The following TRIP4 variants were observed in gnomAD, a reference collection of about 807,000 sequenced individuals.
TRIP4 encodes thyroid hormone receptor interactor 4.
TRIP4 carries 54 observed loss-of-function variants against 81.8 expected under a neutral mutation model. The ratio of observed to expected loss-of-function variants is 0.66; its 90% confidence interval spans 0.53 to 0.83. TRIP4 has a LOEUF of 0.83. TRIP4 is among the 40% of genes least tolerant of loss of function. TRIP4 has a pLI of 0.00. For missense variants in TRIP4, 662 were observed against 683.6 expected (o/e 0.97, Z 0.35); for synonymous variants, 270 against 242.8 (o/e 1.11, Z -1.04).
chr15:64,396,844 G>C (rs987358103), intron 3 of TRIP4, among the ~76,000 whole-genome samples: 9 of 152,190 alleles, frequency 5.9e-5, no homozygotes, highest in Non-Finnish European at 1.3e-4. Flanking sequence ...CAGTTGATAT[G>C]AGTTTGCAGT....
chr15:64,433,847 C>T (rs1458715549), intron 11 of TRIP4, among the ~76,000 whole-genome samples: 1 of 152,054 alleles, frequency 6.6e-6, no homozygotes, highest in Non-Finnish European at 1.5e-5. Context: ...GCATGTGGTC[C>T]AGGACGGCTT....
At chr15:64,389,373 C>T (rs1001195234) in intron 1 of TRIP4, among the ~76,000 whole-genome samples, 2 of 152,022 alleles carry the variant, frequency 1.3e-5, no homozygotes, top group South Asian at 2.1e-4. Context: ...GGCTCAAGCC[C>T]TTATTCCCAG....
intron 11 of TRIP4, 108 bp downstream of exon 11, chr15:64,425,739 T>C: frequency 1.3e-6 from 1 of 773,870 alleles, no homozygotes; most frequent in Non-Finnish European, 2.0e-6. Flanking sequence ...GCTGGGATTA[T>C]AGGCATGAGC....
At chr15:64,434,386 T>G (rs1892342648) in intron 11 of TRIP4, among the ~76,000 whole-genome samples, 2 of 128,922 alleles carry the variant, frequency 1.6e-5, no homozygotes, top group Non-Finnish European at 3.2e-5. Flanking sequence ...GCAACAAGAG[T>G]GAAACTCCGT....
chr15:64,418,557 G>A lies in TRIP4; in HGVS notation c.1187G>A (p.Gly396Asp). 1 of 1,612,558 alleles carries A rather than the reference G, an allele frequency of 6.2e-7. No individual in the cohort carries two copies. The highest frequency in any genetic ancestry group is 8.5e-7 in the Non-Finnish European group (1 of 1,179,930). ...TCTGTGTAGTGGGTTGACCACACAG[G>A]TGCAGCCTCACAGAAGAAGGCTTTC... ...QSPPQWVDHT[G>D]AASQKKAFRS... is the part of the protein sequence containing the mutation. Residue 396 changes from glycine to aspartate, a missense_variant, in exon 9 of 13, where the codon GGT becomes GAT. By Grantham distance (94) the Gly-to-Asp change is moderately conservative (BLOSUM62 -1). Coordinates refer to ENST00000261884, the MANE Select transcript of TRIP4 (RefSeq NM_016213.5).
chr15:64,425,412 T>C, intron 10 of TRIP4, 128 bp from the exon 11 acceptor site: 1 of 841,812 alleles, frequency 1.2e-6, no homozygotes, highest in Non-Finnish European at 1.8e-6. Context: ...ATTTCACTGT[T>C]TTCCTTATGT....
At chr15:64,450,794 C>G (rs1420141279) in intron 12 of TRIP4, 10 of 455,336 alleles carry the variant, frequency 2.2e-5, no homozygotes, top group South Asian at 4.7e-5. Flanking sequence ...ATTAGTCTGC[C>G]TACAATTGAG....
intron 12 of TRIP4, 70 bp downstream of exon 12, chr15:64,445,178 AAGG>A (rs1377258610): frequency 1.2e-6 from 1 of 803,324 alleles, no homozygotes; most frequent in Non-Finnish European, 2.1e-6. Context: ...AAAGTAGAAC[AAGG>A]AGTTCAATCT....
intron 5 of TRIP4, among the ~76,000 whole-genome samples, chr15:64,405,986 T>C (rs1453756216): frequency 6.6e-6 from 1 of 152,260 alleles, no homozygotes. Flanking sequence ...CATTAGATCC[T>C]GTCTTGAAAA....
In TRIP4 at chr15:64,387,936, G is replaced by C. The variant is rs1297849209; in HGVS notation, c.73G>C (p.Gly25Arg). ...WCTQQLRKTFGLDVSEEIIQY... is the reference protein window; with the variant it reads ...WCTQQLRKTFRLDVSEEIIQY... ...CACCCAGCAGTTGCGGAAGACTTTC[G>C]GCCTGGATGTCAGCGAGGAGATCAT... The change falls in exon 1 of 13, where the codon GGC becomes CGC. Residue 25 changes from glycine (G) to arginine (R), a missense_variant. Transcript: ENST00000261884. 1.9e-6 allele frequency: 3 copies of C among 1,551,126 alleles called. No homozygotes were observed. The South Asian group carries it at 3.6e-5, about 18-fold the overall frequency.
At chr15:64,435,893 GA>G (rs36118366) in intron 11 of TRIP4, among the ~76,000 whole-genome samples, 119 of 127,580 alleles carry the variant, frequency 9.3e-4, no homozygotes, top group African/African-American at 2.9e-3. Flanking sequence ...ATGGTAGATT[GA>G]AAAAAAAAAA....
At chr15:64,407,924 C>T (rs942448257) in intron 6 of TRIP4, among the ~76,000 whole-genome samples, 1 of 151,876 alleles carries the variant, frequency 6.6e-6, no homozygotes, top group African/African-American at 2.4e-5. Context: ...TAGCAAAACC[C>T]TGTCTGTACA....
chr15:64,420,341 A>T (rs7166134), intron 9 of TRIP4, among the ~76,000 whole-genome samples: 2,470 of 150,914 alleles, frequency 0.016, 60 homozygotes, highest in African/African-American at 0.057. Context: ...GGCTGGTCTC[A>T]AACTCCCGAA....
chr15:64,449,046 C>A (rs1892693962), intron 12 of TRIP4, among the ~76,000 whole-genome samples: 1 of 151,266 alleles, frequency 6.6e-6, no homozygotes, highest in Non-Finnish European at 1.5e-5. Flanking sequence ...CCTGTCTCTA[C>A]AAAAAAATAA....
In TRIP4 at chr15:64,395,398, A is replaced by G. The variant is rs1421141928; in HGVS notation, c.272A>G (p.Glu91Gly). The G allele has an allele frequency of 1.0e-5, 16 of 1,599,212 alleles. No homozygotes were observed. Among genetic ancestry groups the G allele is most frequent in the Non-Finnish European group, 1.4e-5 (16 of 1,175,830 alleles). ...TATTTTTTTTTTTCTATCTTTAAAG[A>G]AATTTTAGATGGGCAGAAATCAGGC... The part of the protein sequence containing the change: ...DPLQQCFKKD[E>G]ILDGQKSGDH... Residue 91 changes from glutamate (E) to glycine (G), a missense_variant and splice_region_variant, in exon 3 of 13, where the codon GAA becomes GGA. Transcript: ENST00000261884.
chr15:64,388,073 G>A (rs1900002697), intron 1 of TRIP4, 109 bp downstream of exon 1: 4 of 1,418,966 alleles, frequency 2.8e-6, no homozygotes, highest in African/African-American at 1.4e-5. Context: ...GTGATAAAGG[G>A]GCTGCAGTCT....
intron 11 of TRIP4, among the ~76,000 whole-genome samples, chr15:64,443,932 A>C (rs1459216288): frequency 6.6e-6 from 1 of 152,214 alleles, no homozygotes; most frequent in Non-Finnish European, 1.5e-5. Flanking sequence ...GGGCAGGGCC[A>C]GATGCTAGTA....
At chr15:64,394,182 A>AT in intron 2 of TRIP4, 67 bp downstream of exon 2, 12 of 1,344,936 alleles carry the variant, frequency 8.9e-6, no homozygotes, top group Admixed American at 3.0e-5. Context: ...AATTATTATT[A>AT]TTATTTTTTT....
chr15:64,410,622 T>C (rs1007394450), intron 7 of TRIP4, among the ~76,000 whole-genome samples: 1 of 152,104 alleles, frequency 6.6e-6, no homozygotes, highest in Admixed American at 6.6e-5. Flanking sequence ...ATAAACAATA[T>C]AAAGGGATCA....
Sources: allele counts gnomAD v4.1 joint callset (sites outside exome capture counted in the v4.1 genomes callset), GRCh38; gene constraint gnomAD v4.1.1; transcripts MANE v1.5; gene names NCBI Gene and HGNC (gene_info 2026-07-23, HGNC 2026-07-21).